RGSL1: variants seen among roughly 807,000 people sequenced by gnomAD.
RGSL1 encodes regulator of G protein signaling protein-like.
In RGSL1, 97 loss-of-function variants were observed where a neutral mutation model predicts 124.7. The observed-to-expected ratio is 0.78, with a 90% CI of 0.66 to 0.92. The LOEUF (loss-of-function observed/expected upper bound fraction) is 0.92, where lower values mean the gene tolerates loss of function less well. Ranked by LOEUF, RGSL1 falls within the 40% of genes least tolerant of loss-of-function variation. RGSL1 has a pLI of 0.00. For synonymous variants in RGSL1, 424 were observed against 438.1 expected, an observed-to-expected ratio of 0.97 and a Z score of 0.40; for missense variants, 1,233 against 1,288.4, an observed-to-expected ratio of 0.96 and a Z score of 0.66.
upstream of RGSL1, chr1:182,448,107 G>A (rs1438104363): frequency 6.6e-6 from 1 of 152,174 alleles, no homozygotes; most frequent in Non-Finnish European, 1.5e-5. Context: ...TTGGGAAAAG[G>A]AGATGCCCAG....
intron 6 of RGSL1, among the ~76,000 whole-genome samples, chr1:182,481,855 C>T (rs976164669): frequency 6.6e-6 from 1 of 151,958 alleles, no homozygotes; most frequent in Admixed American, 6.6e-5. Flanking sequence ...TGGCGTGTGC[C>T]TGTGGTCCTA....
At chr1:182,494,403 C>T (rs908336565) in intron 9 of RGSL1, among the ~76,000 whole-genome samples, 1 of 152,170 alleles carries the variant, frequency 6.6e-6, no homozygotes, top group Admixed American at 6.5e-5. Flanking sequence ...AGCCACTAGC[C>T]CCATGTGGCC....
At position 182,554,578 on chromosome 1, in the gene RGSL1, C is replaced by T. The variant is rs530281636; in HGVS notation, c.3131-49C>T. The T allele has an allele frequency of 6.6e-6, 10 of 1,506,416 alleles. No homozygotes were observed. The East Asian group carries it at 1.2e-4, about 19-fold the overall frequency. 93.3% of individuals were successfully genotyped at this position (1,506,416 alleles called of 1,614,324 possible). ...CAGGGTGGAGGCCTTTCAGTGACTG[C>T]GTCTATGTCATGAGTCCTGATGCAA... On this transcript the variant is annotated intron_variant, in intron 19 of 21. Coordinates refer to ENST00000294854, the MANE Select transcript of RGSL1 (RefSeq NM_001137669.2).
At chr1:182,491,377 T>A (rs182134565) in intron 8 of RGSL1, among the ~76,000 whole-genome samples, 1 of 151,988 alleles carries the variant, frequency 6.6e-6, no homozygotes, top group Non-Finnish European at 1.5e-5. Flanking sequence ...CACCATGCCC[T>A]GCTAATTTTT....
chr1:182,505,439 C>A (rs949016720), intron 9 of RGSL1, among the ~76,000 whole-genome samples: 3 of 152,148 alleles, frequency 2.0e-5, no homozygotes, highest in Non-Finnish European at 2.9e-5. Flanking sequence ...GCATCCTCAT[C>A]TTTCTTCACC....
intron 13 of RGSL1, 46 bp downstream of exon 13, chr1:182,530,956 C>T: frequency 6.6e-7 from 1 of 1,526,702 alleles, no homozygotes. Context: ...ACAAGAAAAC[C>T]ATCGTCTTGG....
At chr1:182,458,885 G>T (rs1168906603) in intron 3 of RGSL1, among the ~76,000 whole-genome samples, 2 of 152,256 alleles carry the variant, frequency 1.3e-5, no homozygotes, top group East Asian at 3.9e-4. Context: ...ATCAATCCAG[G>T]TCTACATTTC....
chr1:182,530,826 T>G lies in RGSL1; in HGVS notation c.2280T>G (p.His760Gln). The G allele has an allele frequency of 6.5e-7, 1 of 1,550,138 alleles. No homozygotes were observed. Among genetic ancestry groups the G allele is most frequent in the South Asian group, 1.2e-5 (1 of 83,886 alleles). Residue 760 changes from histidine to glutamine, a missense_variant, in exon 13 of 22, where the codon CAT becomes CAG. His to Gln is a conservative substitution (Grantham distance 24). Transcript: ENST00000294854. ...ATCAAGACCTGTTCCCACCTCACCA[T>G]CAGGAGGTGGAAGTGCAAAGTGAAG... ...KDYQDLFPPH[H>Q]QEVEVQSEVQ...
At chr1:182,480,897 A>C (rs760649519) in intron 6 of RGSL1, among the ~76,000 whole-genome samples, 9 of 152,218 alleles carry the variant, frequency 5.9e-5, no homozygotes, top group Non-Finnish European at 8.8e-5. Flanking sequence ...GGGCATTTGA[A>C]AATACTTGAG....
At chr1:182,555,056 A>G (rs1269514488) in intron 20 of RGSL1, 1 of 242,866 alleles carries the variant, frequency 4.1e-6, no homozygotes, top group African/African-American at 2.2e-5. Flanking sequence ...GAGGTAGTGA[A>G]GTCTAGGGTT....
chr1:182,514,081 T>C (rs1310424934), intron 9 of RGSL1, among the ~76,000 whole-genome samples: 5 of 91,898 alleles, frequency 5.4e-5, no homozygotes, highest in East Asian at 2.8e-4. Flanking sequence ...TTTGGAGAGA[T>C]AGGGTTTCAC....
chr1:182,530,947 C>G (rs1659129907), intron 13 of RGSL1, 37 bp downstream of exon 13: 1 of 1,528,952 alleles, frequency 6.5e-7, no homozygotes, highest in Admixed American at 2.2e-5. Context: ...ACATTAGAGA[C>G]AAGAAAACCA....
Position 182,540,281 on chromosome 1 carries a change from A to G in RGSL1, c.2529A>G (p.Ser843=), listed in dbSNP as rs1659808392. 1 of 1,551,158 alleles carries G rather than the reference A, an allele frequency of 6.4e-7. No homozygotes were observed. The highest frequency in any genetic ancestry group is 1.4e-5 in the African/African-American group (1 of 73,104). The change falls in exon 15 of 22, where the codon TCA becomes TCG. Residue 843 remains serine (S), a synonymous_variant. Transcript: ENST00000294854. ...FTTAHNTSGR[S]APPSTNVRSA... ...CAGCACACAACACATCGGGACGTTC[A>G]GCTCCACCCTCCACAAATGTCCGGA...
At chr1:182,510,869 A>G (rs1657400620) in intron 9 of RGSL1, among the ~76,000 whole-genome samples, 1 of 152,114 alleles carries the variant, frequency 6.6e-6, no homozygotes, top group Admixed American at 6.5e-5. Context: ...ATTTTCTCCC[A>G]GTCTATGTGT....
intron 14 of RGSL1, among the ~76,000 whole-genome samples, chr1:182,539,238 C>T (rs1433985189): frequency 2.0e-5 from 3 of 152,170 alleles, no homozygotes; most frequent in Non-Finnish European, 4.4e-5. Flanking sequence ...TTCCCAGAAT[C>T]CCTAACCATC....
rs1455554762 is a variant in RGSL1, at chr1:182,473,696, C to T, written c.585C>T (p.Tyr195=). 14 of 1,551,658 alleles carry T rather than the reference C, an allele frequency of 9.0e-6. No individual in the cohort carries two copies. In the South Asian group the frequency reaches 1.3e-4, roughly 15 times the overall value. ...AGAGCTATTGGCTTCCCAACTTTTA[C>T]ACCCACACCAAGATGACCATGGCCA... The part of the protein sequence containing the change: ...KLQSYWLPNF[Y]THTKMTMAKE... The change falls in exon 6 of 22, where the codon TAC becomes TAT. Residue 195 remains tyrosine (Y), a synonymous_variant. Coordinates refer to ENST00000294854, the MANE Select transcript of RGSL1 (RefSeq NM_001137669.2).
At chr1:182,476,769 C>T (rs1654318204) in intron 6 of RGSL1, among the ~76,000 whole-genome samples, 2 of 152,190 alleles carry the variant, frequency 1.3e-5, no homozygotes, top group South Asian at 2.1e-4. Context: ...CACCTCTCCT[C>T]TCTGGCTTCA....
intron 21 of RGSL1, among the ~76,000 whole-genome samples, chr1:182,558,374 C>A (rs1380585064): frequency 2.0e-5 from 3 of 152,142 alleles, no homozygotes; most frequent in Non-Finnish European, 4.4e-5. Context: ...GTGTTAGTTT[C>A]CTTTTGCTAC....
chr1:182,498,095 T>C (rs1656064271), intron 9 of RGSL1, among the ~76,000 whole-genome samples: 1 of 152,176 alleles, frequency 6.6e-6, no homozygotes, highest in South Asian at 2.1e-4. Context: ...TTAATAAGTA[T>C]TGTGGGGGGT....
Sources: gnomAD v4.1 joint callset for allele counts (sites outside exome capture counted in the v4.1 genomes callset) on GRCh38, gnomAD v4.1.1 for gene constraint, MANE v1.5 for transcripts, NCBI Gene and HGNC (gene_info 2026-07-23, HGNC 2026-07-21) for gene names.